Variants in PLXNA4 observed in about 807,000 individuals in gnomAD.
The protein encoded by PLXNA4 is plexin A4.
A neutral mutation model predicts 191.8 loss-of-function variants in PLXNA4; 44 were observed. The ratio of observed to expected loss-of-function variants is 0.23; its 90% CI spans 0.18 to 0.29. The LOEUF is 0.29. Among genes scored for constraint, PLXNA4 ranks in the 10% least tolerant of loss-of-function variants. PLXNA4 has a pLI of 1.00. For synonymous variants in PLXNA4, 1,082 were observed against 1,009.5 expected (o/e 1.07, Z -1.36); for missense variants, 1,800 against 2,488.8 (o/e 0.72, Z 5.89).
intron 25 of PLXNA4, 77 bp downstream of exon 25, chr7:132,159,396 G>T: frequency 6.3e-7 from 1 of 1,575,688 alleles, no homozygotes. Context: ...CCCCAGCCCT[G>T]CCTCTGCTGA....
rs1794750306 is a variant in PLXNA4 at position 132,125,684 on chromosome 7, AAGAGG to A, written c.*4790_*4794del. ...GTCACCTGTCCTGAGAGCTGGCAGG[AAGAGG>A]GGAAGAGGCCCTTGATGTAGACGAG... is the stretch of plus-strand genomic sequence containing the variant. On this transcript the variant is annotated 3_prime_UTR_variant, in exon 32 of 32. Transcript: ENST00000321063. 2.0e-5 allele frequency: 3 copies of A among 151,826 alleles called. No individual in the cohort carries two copies. The highest frequency in any genetic ancestry group is 1.3e-4 in the Admixed American group (2 of 15,246). The allele number at this position is 151,826 out of a possible 1,614,324, so 9.4% of individuals were successfully genotyped here.
intron 3 of PLXNA4, among the ~76,000 whole-genome samples, chr7:132,316,868 C>T (rs986332671): frequency 6.6e-6 from 1 of 152,218 alleles, no homozygotes; most frequent in Non-Finnish European, 1.5e-5. Flanking sequence ...ATGAGTAAAA[C>T]AGGGTGCTAT....
chr7:132,148,427 G>T, intron 26 of PLXNA4, 116 bp downstream of exon 26: 1 of 1,432,976 alleles, frequency 7.0e-7, no homozygotes. Flanking sequence ...GATCACTAAG[G>T]GAACATGGAG....
intron 1 of PLXNA4, among the ~76,000 whole-genome samples, chr7:132,571,250 T>C (rs965600037): frequency 1.3e-5 from 2 of 152,232 alleles, no homozygotes; most frequent in Admixed American, 6.5e-5. Flanking sequence ...CACACCTTTT[T>C]GCATCAGGAT....
intron 3 of PLXNA4, among the ~76,000 whole-genome samples, chr7:132,377,422 G>GAAAAAAAAAAAAAAAAAGAAAAAA (rs10596289): frequency 1.2e-5 from 1 of 86,476 alleles, no homozygotes; most frequent in African/African-American, 4.1e-5. Flanking sequence ...AAATGAAAAA[G>GAAAAAAAAAAAAAAAAAGAAAAAA]AAAAAAAAAA....
rs748267972 is a variant in PLXNA4, at chr7:132,315,538, A to G, written c.1372-17316T>C. Among the ~76,000 whole-genome samples the G allele has an allele frequency of 5.9e-4, 90 of 152,230 alleles. 1 individual carries two copies. Among genetic ancestry groups the G allele is most frequent in the Admixed American group, 1.4e-3 (22 of 15,292 alleles). On this transcript the variant is annotated intron_variant, in intron 3 of 31. Coordinates refer to ENST00000321063, the MANE Select transcript of PLXNA4 (RefSeq NM_020911.2). ...ACAAACTAAGACTCAGATGGGCTAC[A>G]TGATGCTCAAAGTTAGATTATAGCT...
intron 1 of PLXNA4, among the ~76,000 whole-genome samples, chr7:132,552,748 G>C (rs766458530): frequency 1.3e-5 from 2 of 152,152 alleles, no homozygotes; most frequent in Non-Finnish European, 2.9e-5. Flanking sequence ...AAGAAAAGTG[G>C]ACTTTCATTT....
chr7:132,204,330 G>T (rs1201688896), intron 10 of PLXNA4, among the ~76,000 whole-genome samples: 1 of 152,208 alleles, frequency 6.6e-6, no homozygotes, highest in African/African-American at 2.4e-5. Context: ...GAGAAAGAGG[G>T]TTAGCAGAGG....
intron 3 of PLXNA4, among the ~76,000 whole-genome samples, chr7:132,348,643 A>G (rs887920906): frequency 6.6e-6 from 1 of 152,186 alleles, no homozygotes; most frequent in Non-Finnish European, 1.5e-5. Flanking sequence ...GTAGGGATCA[A>G]TATTTAGGTT....
At chr7:132,635,667 T>C (rs1034287196) in intron 2 of PLXNA4, among the ~76,000 whole-genome samples, 11 of 152,132 alleles carry the variant, frequency 7.2e-5, no homozygotes, top group African/African-American at 2.7e-4. Flanking sequence ...CCTTGCCCCA[T>C]GCCTCTGTCA....
intron 3 of PLXNA4, among the ~76,000 whole-genome samples, chr7:132,364,203 A>G (rs1188311307): frequency 6.6e-6 from 1 of 152,240 alleles, no homozygotes; most frequent in Non-Finnish European, 1.5e-5. Context: ...ATGGGCAGAC[A>G]TGGTGGGAGG....
At chr7:132,414,854 C>T (rs1177334832) in intron 3 of PLXNA4, among the ~76,000 whole-genome samples, 1 of 152,186 alleles carries the variant, frequency 6.6e-6, no homozygotes, top group East Asian at 1.9e-4. Context: ...AACCCGCAAT[C>T]CCTATATTGA....
intron 3 of PLXNA4, among the ~76,000 whole-genome samples, chr7:132,446,062 AG>A (rs1795900397): frequency 6.6e-6 from 1 of 152,224 alleles, no homozygotes. Context: ...GGAAGGCCCA[AG>A]GCGGGGCAAG....
At chr7:132,577,950 G>A (rs895522856), upstream of PLXNA4, among the ~76,000 whole-genome samples, 1 of 152,170 alleles carries the variant, frequency 6.6e-6, no homozygotes, top group East Asian at 1.9e-4. Context: ...GTGCCCCAGA[G>A]CTGGCTTGGT....
At chr7:132,145,795 A>T (rs1397045923) in intron 28 of PLXNA4, among the ~76,000 whole-genome samples, 1 of 151,812 alleles carries the variant, frequency 6.6e-6, no homozygotes, top group Non-Finnish European at 1.5e-5. Flanking sequence ...CGGAGGCCAG[A>T]CACGGTGGCT....
intron 2 of PLXNA4, among the ~76,000 whole-genome samples, chr7:132,616,102 T>C (rs1354350710): frequency 2.6e-5 from 4 of 152,058 alleles, no homozygotes; most frequent in Non-Finnish European, 5.9e-5. Flanking sequence ...AACTCCCTGG[T>C]CATGCTTTCT....
chr7:132,217,379 C>T (rs1410621944), intron 9 of PLXNA4, among the ~76,000 whole-genome samples: 1 of 152,222 alleles, frequency 6.6e-6, no homozygotes, highest in Non-Finnish European at 1.5e-5. Context: ...TGCCTACAGA[C>T]TGGGGGGATA....
chr7:132,320,760 T>C (rs1187856753), intron 3 of PLXNA4, among the ~76,000 whole-genome samples: 1 of 152,204 alleles, frequency 6.6e-6, no homozygotes, highest in East Asian at 1.9e-4. Flanking sequence ...TTTGGGCTCC[T>C]GACCAGCAGC....
At chr7:132,267,456 C>T (rs899882775) in intron 4 of PLXNA4, among the ~76,000 whole-genome samples, 4 of 152,180 alleles carry the variant, frequency 2.6e-5, no homozygotes, top group East Asian at 1.9e-4. Context: ...CTGACCTTGA[C>T]TTAGTATATC....
Sources: allele counts gnomAD v4.1 joint callset (sites outside exome capture counted in the v4.1 genomes callset), GRCh38; gene constraint gnomAD v4.1.1; transcripts MANE v1.5; gene names NCBI Gene and HGNC (gene_info 2026-07-23, HGNC 2026-07-21).